The following MSL3 variants were observed in gnomAD, a reference collection of about 807,000 sequenced individuals.
MSL3 encodes the protein MSL3-like 1.
MSL3 carries 5 observed loss-of-function variants against 37.2 expected under a neutral mutation model. The ratio of observed to expected loss-of-function variants is 0.13; its 90% CI spans 0.07 to 0.28. The LOEUF is 0.28. Ranked by LOEUF, MSL3 falls within the 10% of genes least tolerant of loss-of-function variation. MSL3 has a pLI of 1.00. For synonymous variants in MSL3, 149 were observed against 147.6 expected, an observed-to-expected ratio of 1.01 and a Z score of -0.07; for missense variants, 315 against 408.5, an observed-to-expected ratio of 0.77 and a Z score of 1.97.
intron 1 of MSL3, 120 bp from the exon 2 acceptor site, chrX:11,759,673 G>A: frequency 8.8e-7 from 1 of 1,137,314 alleles, no homozygotes; most frequent in Non-Finnish European, 1.2e-6. Flanking sequence ...CAACCCGGCT[G>A]TCGGTCTAAA....
intron 2 of MSL3, 73 bp from the exon 3 acceptor site, chrX:11,760,330 T>G: frequency 1.5e-6 from 1 of 687,760 alleles, no homozygotes. Flanking sequence ...GGCATTTCTA[T>G]TGCTTTGAGG....
In MSL3 at chrX:11,775,123, C is replaced by A; in HGVS notation, c.*44C>A. ...AGAGCAACTGCTCTGTCTAGTTTGGCGCTCTGGGTTCCAGGTGAATAACTA... is the reference window on the plus strand; with the variant it reads ...AGAGCAACTGCTCTGTCTAGTTTGGAGCTCTGGGTTCCAGGTGAATAACTA... On this transcript the variant is annotated 3_prime_UTR_variant, in exon 13 of 13. Coordinates refer to ENST00000312196, the MANE Select transcript of MSL3 (RefSeq NM_078629.4). The A allele has an allele frequency of 1.0e-6, 1 of 992,303 alleles. No homozygotes were observed. Among genetic ancestry groups the A allele is most frequent in the Non-Finnish European group, 1.4e-6 (1 of 701,251 alleles). The allele number at this position is 992,303 out of a possible 1,213,427, so 81.8% of individuals were successfully genotyped here.
chrX:11,775,132 T>A lies in MSL3; in HGVS notation c.*53T>A. The A allele has an allele frequency of 1.1e-6, 1 of 918,221 alleles. No homozygotes were observed. 75.7% of individuals were successfully genotyped at this position (918,221 alleles called of 1,213,427 possible). A position where few individuals can be genotyped will look rare whatever the true frequency, so the allele number is the denominator to read the frequency against. The stretch of plus-strand genomic sequence containing the variant: ...GCTCTGTCTAGTTTGGCGCTCTGGG[T>A]TCCAGGTGAATAACTAACAAGGTGG... On this transcript the variant is annotated 3_prime_UTR_variant, in exon 13 of 13. Coordinates refer to ENST00000312196, the MANE Select transcript of MSL3 (RefSeq NM_078629.4).
chrX:11,759,941 TAA>T (rs2053114514), intron 2 of MSL3, 66 bp downstream of exon 2: 1 of 1,124,684 alleles, frequency 8.9e-7, no homozygotes, highest in South Asian at 2.0e-5. Context: ...ATTGCAGACT[TAA>T]GTTTCAGAAA....
At chrX:11,761,712 T>C (rs1017573667) in intron 5 of MSL3, 130 bp downstream of exon 5, 1 of 403,429 alleles carries the variant, frequency 2.5e-6, no homozygotes, top group African/African-American at 2.6e-5. Flanking sequence ...TAAATTTTTA[T>C]TTGACATTTA....
At chrX:11,770,782 A>G (rs747712385) in intron 10 of MSL3, among the ~76,000 whole-genome samples, 2 of 112,487 alleles carry the variant, frequency 1.8e-5, no homozygotes, top group East Asian at 5.6e-4. Flanking sequence ...ACTGCCTTGA[A>G]ACACAGAATT....
intron 2 of MSL3, 61 bp downstream of exon 2, chrX:11,759,936 A>G: frequency 8.7e-7 from 1 of 1,144,240 alleles, no homozygotes; most frequent in Non-Finnish European, 1.2e-6. Context: ...GAAACATTGC[A>G]GACTTAAGTT....
chrX:11,772,161 C>T lies in MSL3; in HGVS notation c.1287C>T (p.Leu429=). ...TCAATTCGTGCTTTTTCCAGGTCCT[C>T]TCCTGGAAGCTTGTGCCTGACAATT... is the stretch of plus-strand genomic sequence containing the variant. The part of the protein sequence containing the change: ...GRRTNEINEV[L]SWKLVPDNYP... Residue 429 remains leucine, a synonymous_variant, in exon 11 of 13, where the codon CTC becomes CTT. Coordinates refer to ENST00000312196, the MANE Select transcript of MSL3 (RefSeq NM_078629.4). The T allele has an allele frequency of 8.3e-7, 1 of 1,204,166 alleles. No homozygotes were observed. Among genetic ancestry groups the T allele is most frequent in the Non-Finnish European group, 1.1e-6 (1 of 889,296 alleles).
In MSL3 at chrX:11,762,176, C is replaced by A; in HGVS notation, c.512C>A (p.Thr171Lys). ...LQTRREMEERTITIEIPEVLK... is the reference protein window; with the variant it reads ...LQTRREMEERKITIEIPEVLK... ...ACAAGAAGGGAAATGGAAGAAAGAA[C>A]AATAACTATAGAAATCCCTGAAGTT... is the stretch of plus-strand genomic sequence containing the variant. The change falls in exon 6 of 13, where the codon ACA becomes AAA. Residue 171 changes from threonine (T) to lysine (K), a missense_variant. Physicochemically the swap from Thr to Lys is moderately conservative, Grantham distance 78 (BLOSUM62 -1). Transcript: ENST00000312196. 1 of 1,159,805 alleles carries A rather than the reference C, an allele frequency of 8.6e-7. No homozygotes were observed. The highest frequency in any genetic ancestry group is 1.2e-6 in the Non-Finnish European group (1 of 867,089).
At chrX:11,758,390 G>T in intron 1 of MSL3, 25 bp downstream of exon 1, 1 of 1,058,351 alleles carries the variant, frequency 9.4e-7, no homozygotes, top group Non-Finnish European at 1.2e-6. Context: ...GGACAGGGAG[G>T]AGGCGCGGGC....
intron 9 of MSL3, chrX:11,766,137 G>C: frequency 2.4e-6 from 2 of 841,586 alleles, no homozygotes; most frequent in East Asian, 1.4e-4. Context: ...AATTTGGAAA[G>C]GTCTGTCCTG....
At position 11,760,863 on chromosome X, in the gene MSL3, G is replaced by T. The variant is rs768171462; in HGVS notation, c.308G>T (p.Arg103Leu). 1 of 1,198,745 alleles carries T rather than the reference G, an allele frequency of 8.3e-7. No homozygotes were observed. Among genetic ancestry groups the T allele is most frequent in the African/African-American group, 1.7e-5 (1 of 57,389 alleles). Reference protein sequence around the residue: ...RLRSTGRKKKRCRLPGVDSVL... With the variant: ...RLRSTGRKKKLCRLPGVDSVL... ...AGGAGCACAGGAAGAAAGAAGAAGC[G>T]CTGCAGGTTGCCTGGTGTGGACTCT... is the stretch of plus-strand genomic sequence containing the variant. Residue 103 changes from arginine (R) to leucine (L), a missense_variant, in exon 4 of 13, where the codon CGC (arginine) becomes CTC (leucine). Coordinates refer to ENST00000312196, the MANE Select transcript of MSL3 (RefSeq NM_078629.4).
intron 12 of MSL3, among the ~76,000 whole-genome samples, chrX:11,773,124 G>A (rs143949269): frequency 0.011 from 1,237 of 112,099 alleles, 16 homozygotes; most frequent in African/African-American, 0.039. Flanking sequence ...AGCATTTATA[G>A]GTTGGATTTC....
At chrX:11,771,004 TG>T (rs771558820) in intron 10 of MSL3, among the ~76,000 whole-genome samples, 1 of 112,348 alleles carries the variant, frequency 8.9e-6, no homozygotes, top group East Asian at 2.8e-4. Context: ...AGTGGGGCGC[TG>T]GGGGTGGAGA....
At chrX:11,765,024 A>G (rs2053167081) in intron 8 of MSL3, among the ~76,000 whole-genome samples, 1 of 112,696 alleles carries the variant, frequency 8.9e-6, no homozygotes, top group Non-Finnish European at 1.9e-5. Flanking sequence ...TTACGTTTCA[A>G]CGAGGTGGTA....
intron 4 of MSL3, 176 bp downstream of exon 4, chrX:11,761,113 A>G: frequency 2.4e-6 from 1 of 418,183 alleles, no homozygotes; most frequent in Non-Finnish European, 4.2e-6. Context: ...CAGTAATAGA[A>G]CGTTAGCAGA....
intron 5 of MSL3, 44 bp downstream of exon 5, chrX:11,761,626 T>A: frequency 1.2e-6 from 1 of 867,652 alleles, no homozygotes; most frequent in Non-Finnish European, 1.6e-6. Context: ...GTTATATATT[T>A]TAGTGGTAAA....
intron 7 of MSL3, 86 bp from the exon 8 acceptor site, chrX:11,763,694 C>T: frequency 1.3e-6 from 1 of 753,883 alleles, no homozygotes. Flanking sequence ...TTAAAACTGC[C>T]CTATTAAAAA....
chrX:11,768,666 C>T lies in MSL3; in HGVS notation c.1265C>T (p.Thr422Ile), dbSNP rs375866878. ...TTTGCTGGCTTTGAAGGGAGAAGAA[C>T]TAATGAAATAAACGAGGTAAAGAAT... The part of the protein sequence containing the change: ...AVFAGFEGRR[T>I]NEINEVLSWK... Residue 422 changes from threonine to isoleucine, a missense_variant, in exon 10 of 13, where the codon ACT becomes ATT. Coordinates refer to ENST00000312196, the MANE Select transcript of MSL3 (RefSeq NM_078629.4). The T allele has an allele frequency of 2.5e-6, 3 of 1,181,014 alleles. No homozygotes were observed. The African/African-American group carries it at 5.2e-5, about 21-fold the overall frequency.
Sources: allele counts gnomAD v4.1 joint callset (sites outside exome capture counted in the v4.1 genomes callset), GRCh38; gene constraint gnomAD v4.1.1; transcripts MANE v1.5; gene names NCBI Gene and HGNC (gene_info 2026-07-23, HGNC 2026-07-21).